CNTNAP2: variants seen among roughly 807,000 people sequenced by gnomAD.
CNTNAP2 encodes the protein contactin associated protein 2.
Under a neutral mutation model 155.2 loss-of-function variants are expected in CNTNAP2, and 98 were observed. That is an observed-to-expected ratio of 0.63 (90% CI 0.54 to 0.75). The LOEUF is 0.75. Among genes scored for constraint, CNTNAP2 ranks in the 30% least tolerant of loss-of-function variants. The probability of loss-of-function intolerance (pLI) is 0.00; values close to 1 mark genes in which losing one functional copy is unlikely to be tolerated. For synonymous variants in CNTNAP2, 651 were observed against 631.2 expected, an observed-to-expected ratio of 1.03 and a Z score of -0.47; for missense variants, 1,727 against 1,688.1, an observed-to-expected ratio of 1.02 and a Z score of -0.40.
chr7:147,527,284 C>G (rs972155421), intron 11 of CNTNAP2, among the ~76,000 whole-genome samples: 3 of 151,976 alleles, frequency 2.0e-5, no homozygotes, highest in African/African-American at 7.3e-5. Flanking sequence ...CGGCCTCCCA[C>G]AGTGCTGGGA....
intron 9 of CNTNAP2, among the ~76,000 whole-genome samples, chr7:147,354,485 A>G (rs1021636828): frequency 6.6e-6 from 1 of 151,874 alleles, no homozygotes; most frequent in South Asian, 2.1e-4. Context: ...GTTCTGTTCT[A>G]TTGGTCTATA....
chr7:147,291,090 T>G (rs112069473), intron 8 of CNTNAP2, among the ~76,000 whole-genome samples: 1 of 152,144 alleles, frequency 6.6e-6, no homozygotes, highest in Non-Finnish European at 1.5e-5. Flanking sequence ...CCATTCCCAC[T>G]TGTGCCCACC....
Position 147,454,278 on chromosome 7 carries a change from T to C in CNTNAP2, c.1671-31657T>C, listed in dbSNP as rs527444371. Among the ~76,000 whole-genome samples, 11 of 152,288 alleles carry C rather than the reference T, an allele frequency of 7.2e-5. No individual in the cohort carries two copies. The South Asian group carries it at 1.2e-3, about 17-fold the overall frequency. The stretch of plus-strand genomic sequence containing the variant: ...TGGTGGCTTTTTGTTGGTTTTCCAA[T>C]CTTATATTTTGTTTATTTTGCAATA... On this transcript the variant is annotated intron_variant, in intron 10 of 23. Transcript: ENST00000361727.
chr7:146,808,935 T>C (rs193020180), intron 2 of CNTNAP2, among the ~76,000 whole-genome samples: 1 of 152,340 alleles, frequency 6.6e-6, no homozygotes, highest in Non-Finnish European at 1.5e-5. Flanking sequence ...CTTGTGTGCA[T>C]ACATGTCACA....
At chr7:147,039,227 C>T (rs1799215634) in intron 3 of CNTNAP2, among the ~76,000 whole-genome samples, 1 of 151,794 alleles carries the variant, frequency 6.6e-6, no homozygotes, top group Admixed American at 6.6e-5. Flanking sequence ...GACACATATT[C>T]AGGTTCAGGA....
At chr7:147,967,741 T>C (rs1164769743) in intron 14 of CNTNAP2, among the ~76,000 whole-genome samples, 1 of 152,192 alleles carries the variant, frequency 6.6e-6, no homozygotes, top group Non-Finnish European at 1.5e-5. Flanking sequence ...GAAGAAATAT[T>C]GGCCCAGATA....
At chr7:147,093,220 G>A (rs1584835788) in intron 4 of CNTNAP2, among the ~76,000 whole-genome samples, 1 of 123,946 alleles carries the variant, frequency 8.1e-6, no homozygotes, top group African/African-American at 3.0e-5. Context: ...CAGCCTGGGC[G>A]AAAGAGCGAG....
At chr7:147,035,285 G>C (rs1359301844) in intron 3 of CNTNAP2, among the ~76,000 whole-genome samples, 1 of 152,192 alleles carries the variant, frequency 6.6e-6, no homozygotes, top group African/African-American at 2.4e-5. Flanking sequence ...AAGGGTAACA[G>C]GTGCAGTATT....
At chr7:148,317,965 G>T (rs1317534177) in intron 21 of CNTNAP2, among the ~76,000 whole-genome samples, 1 of 152,202 alleles carries the variant, frequency 6.6e-6, no homozygotes, top group Non-Finnish European at 1.5e-5. Context: ...ACAGGCGTGA[G>T]CCTCCGTGCC....
At chr7:146,593,943 A>G (rs1040809946) in intron 1 of CNTNAP2, among the ~76,000 whole-genome samples, 1 of 152,130 alleles carries the variant, frequency 6.6e-6, no homozygotes, top group African/African-American at 2.4e-5. Flanking sequence ...CATGCTTCAT[A>G]TCTGATCACC....
intron 1 of CNTNAP2, among the ~76,000 whole-genome samples, chr7:146,426,688 A>G (rs985974228): frequency 2.0e-5 from 3 of 151,464 alleles, no homozygotes; most frequent in Admixed American, 6.6e-5. Flanking sequence ...GCTAGTTGCC[A>G]GAGGCTGGGG....
chr7:147,730,966 C>T (rs1330609254), intron 13 of CNTNAP2, among the ~76,000 whole-genome samples: 9 of 152,192 alleles, frequency 5.9e-5, no homozygotes, highest in South Asian at 4.1e-4. Context: ...ACAGCCTATT[C>T]CAGAGCAAGG....
chr7:146,720,578 T>C (rs890466490), intron 1 of CNTNAP2, among the ~76,000 whole-genome samples: 35 of 152,220 alleles, frequency 2.3e-4, no homozygotes, highest in African/African-American at 7.9e-4. Flanking sequence ...ACTGCAAATG[T>C]TGAATAATTT....
At chr7:147,838,961 T>G (rs1175352705) in intron 13 of CNTNAP2, among the ~76,000 whole-genome samples, 1 of 151,948 alleles carries the variant, frequency 6.6e-6, no homozygotes, top group Non-Finnish European at 1.5e-5. Context: ...TTATTAAGAG[T>G]ATTGACTCAC....
intron 1 of CNTNAP2, among the ~76,000 whole-genome samples, chr7:146,475,608 A>T (rs1200921059): frequency 1.3e-5 from 2 of 152,196 alleles, no homozygotes; most frequent in Non-Finnish European, 2.9e-5. Flanking sequence ...TGAATGGTAT[A>T]CAGTCAAGAT....
At position 146,875,955 on chromosome 7, in the gene CNTNAP2, A is replaced by AAAAAAAC. The variant is rs1165085789; in HGVS notation, c.402+36065_402+36071dup. ...ACAGCAAAAAAAAAAAAAAAAAAAAAAAAAAACAAAAAACAAAAAAACGAG... is the reference window on the plus strand; with the variant it reads ...ACAGCAAAAAAAAAAAAAAAAAAAAAAAAAAACAAAAAACAAAAAACAAAAAAACGAG... On this transcript the variant is annotated intron_variant, in intron 3 of 23. Coordinates refer to ENST00000361727, the MANE Select transcript of CNTNAP2 (RefSeq NM_014141.6). 1.2e-3 allele frequency among the ~76,000 whole-genome samples: 168 copies of AAAAAAAC among 139,024 alleles called. 4 individuals carry two copies. The highest frequency in any genetic ancestry group is 2.9e-3 in the South Asian group (13 of 4,520). 91.2% of individuals were successfully genotyped at this position (139,024 alleles called of 152,430 possible).
At chr7:146,407,580 T>C (rs1305305959) in intron 1 of CNTNAP2, among the ~76,000 whole-genome samples, 2 of 152,310 alleles carry the variant, frequency 1.3e-5, no homozygotes, top group East Asian at 1.9e-4. Context: ...AAAACCAACA[T>C]AGACAACCTC....
At chr7:147,466,993 T>C (rs1798131744) in intron 10 of CNTNAP2, among the ~76,000 whole-genome samples, 1 of 152,244 alleles carries the variant, frequency 6.6e-6, no homozygotes, top group Non-Finnish European at 1.5e-5. Flanking sequence ...TAAGTTAATG[T>C]ATCTTATATA....
At chr7:147,626,896 T>C (rs1794988668) in intron 12 of CNTNAP2, among the ~76,000 whole-genome samples, 1 of 152,174 alleles carries the variant, frequency 6.6e-6, no homozygotes, top group Non-Finnish European at 1.5e-5. Flanking sequence ...TCTACAACCA[T>C]GGACTCTCAC....
Sources: gnomAD v4.1 joint callset for allele counts (sites outside exome capture counted in the v4.1 genomes callset) on GRCh38, gnomAD v4.1.1 for gene constraint, MANE v1.5 for transcripts, NCBI Gene and HGNC (gene_info 2026-07-23, HGNC 2026-07-21) for gene names.